Variants in PCDHGA3 observed in about 807,000 individuals in gnomAD.
The protein encoded by PCDHGA3 is protocadherin gamma subfamily A, 3.
A neutral mutation model predicts 58.5 loss-of-function variants in PCDHGA3; 40 were observed. The observed-to-expected ratio is 0.68, with a 90% CI of 0.53 to 0.89. The LOEUF (loss-of-function observed/expected upper bound fraction) is 0.89. Among genes scored for constraint, PCDHGA3 ranks in the 40% least tolerant of loss-of-function variants. The probability of loss-of-function intolerance (pLI) is 0.00; values close to 1 mark genes in which losing one functional copy is unlikely to be tolerated. For missense variants in PCDHGA3, 1,223 were observed against 1,195.9 expected, an observed-to-expected ratio of 1.02 and a Z score of -0.33; for synonymous variants, 530 against 525.7, an observed-to-expected ratio of 1.01 and a Z score of -0.11.
intron 1 of PCDHGA3, chr5:141,430,861 A>C: frequency 6.3e-7 from 1 of 1,592,834 alleles, no homozygotes; most frequent in Middle Eastern, 1.7e-4. Flanking sequence ...TACGCTATTC[A>C]GTTCCGGAAG....
intron 1 of PCDHGA3, chr5:141,351,286 G>A (rs975525933): frequency 6.2e-7 from 1 of 1,613,760 alleles, no homozygotes; most frequent in South Asian, 1.1e-5. Flanking sequence ...ATGCCCCAGA[G>A]GTGACATTCA....
At chr5:141,465,775 T>TA (rs2099108994) in intron 1 of PCDHGA3, among the ~76,000 whole-genome samples, 1 of 152,030 alleles carries the variant, frequency 6.6e-6, no homozygotes, top group African/African-American at 2.4e-5. Context: ...CATCTCTTGT[T>TA]ACAGTTTTTT....
intron 1 of PCDHGA3, chr5:141,427,734 C>A (rs2097062807): frequency 1.7e-6 from 2 of 1,207,418 alleles, no homozygotes; most frequent in Non-Finnish European, 2.4e-6. Flanking sequence ...GCTGAATGGC[C>A]AAGTCTCCTA....
chr5:141,434,092 A>C (rs1333686339), intron 1 of PCDHGA3, among the ~76,000 whole-genome samples: 1 of 152,172 alleles, frequency 6.6e-6, no homozygotes, highest in Non-Finnish European at 1.5e-5. Context: ...TTTGATGCTG[A>C]AATTGTCCCA....
At chr5:141,471,508 G>A (rs1262338812) in intron 1 of PCDHGA3, 3 of 152,216 alleles carry the variant, frequency 2.0e-5, no homozygotes, top group African/African-American at 7.2e-5. Context: ...AAGAGAGGGA[G>A]TAAAAATAAC....
At chr5:141,409,438 A>C (rs1459982502) in intron 1 of PCDHGA3, 1 of 1,613,866 alleles carries the variant, frequency 6.2e-7, no homozygotes, top group Non-Finnish European at 8.5e-7. Context: ...CCCTGGACCG[A>C]GAGCAGACAC....
intron 1 of PCDHGA3, chr5:141,412,074 A>G (rs751287485): frequency 2.0e-5 from 3 of 152,184 alleles, no homozygotes; most frequent in Non-Finnish European, 4.4e-5. Context: ...TGAGGGAACA[A>G]TTGCTACTGG....
At chr5:141,372,589 GCTTCA>G in intron 1 of PCDHGA3, 1 of 1,614,030 alleles carries the variant, frequency 6.2e-7, no homozygotes, top group Non-Finnish European at 8.5e-7. Context: ...CCTGGTGTCT[GCTTCA>G]AGACTGTACC....
chr5:141,349,519 G>A (rs1036044358), intron 1 of PCDHGA3, among the ~76,000 whole-genome samples: 37 of 152,042 alleles, frequency 2.4e-4, no homozygotes, highest in Non-Finnish European at 5.1e-4. Flanking sequence ...TACTTAACTG[G>A]AAAGATTATC....
intron 1 of PCDHGA3, chr5:141,370,240 G>A: frequency 1.6e-6 from 1 of 624,266 alleles, no homozygotes; most frequent in Non-Finnish European, 2.6e-6. Flanking sequence ...CGGAAGAAAA[G>A]TGCACTCTCT....
chr5:141,375,160 T>G (rs373409677), intron 1 of PCDHGA3: 1 of 1,613,854 alleles, frequency 6.2e-7, no homozygotes, highest in African/African-American at 1.3e-5. Flanking sequence ...TTGCTGAAAG[T>G]GCACCTCCAG....
chr5:141,384,708 G>T (rs1222018997), intron 1 of PCDHGA3: 3 of 1,614,116 alleles, frequency 1.9e-6, no homozygotes, highest in Non-Finnish European at 2.5e-6. Context: ...AGAACGCCTG[G>T]CTGTCATACC....
intron 1 of PCDHGA3, chr5:141,376,323 G>C: frequency 2.5e-6 from 4 of 1,614,162 alleles, no homozygotes; most frequent in Non-Finnish European, 3.4e-6. Flanking sequence ...GAAGGGGTTC[G>C]GGCTTTCCTG....
chr5:141,496,234 T>C (rs2154591884), intron 2 of PCDHGA3, among the ~76,000 whole-genome samples: 1 of 152,232 alleles, frequency 6.6e-6, no homozygotes, highest in Middle Eastern at 3.4e-3. Context: ...AGGAACCCCC[T>C]GCGGGCTGAA....
intron 1 of PCDHGA3, chr5:141,423,979 G>A: frequency 9.0e-7 from 1 of 1,115,484 alleles, no homozygotes. Flanking sequence ...CAGTGTATGA[G>A]GCTCTCAATT....
Position 141,489,779 on chromosome 5 carries a change from T to C in PCDHGA3, c.2425-5028T>C, listed in dbSNP as rs1269302289. 1.9e-6 allele frequency: 3 copies of C among 1,614,168 alleles called. No homozygotes were observed. Among genetic ancestry groups the C allele is most frequent in the Non-Finnish European group, 2.5e-6 (3 of 1,179,996 alleles). On this transcript the variant is annotated intron_variant, in intron 1 of 3. Coordinates refer to ENST00000253812, the MANE Select transcript of PCDHGA3 (RefSeq NM_018916.4). The surrounding 1 kb of genome is among the most constrained non-coding windows in gnomAD (Gnocchi z 4.5). ...CTAAGCCCCAACAGCCACTTCTCTC[T>C]GAATGTGAAGACCCTAAAAGATGGG...
intron 2 of PCDHGA3, among the ~76,000 whole-genome samples, chr5:141,503,088 C>T (rs1003234288): frequency 4.0e-5 from 6 of 151,864 alleles, no homozygotes; most frequent in Admixed American, 1.3e-4. Context: ...CTCCTGACCT[C>T]GTGGTCTGCC....
intron 1 of PCDHGA3, chr5:141,384,536 T>A (rs751421323): frequency 2.5e-6 from 4 of 1,614,086 alleles, no homozygotes; most frequent in Admixed American, 1.7e-5. Flanking sequence ...AGCAGCAACA[T>A]GTCACTGAGC....
At chr5:141,404,333 C>G (rs181615917) in intron 1 of PCDHGA3, 10 of 1,613,736 alleles carry the variant, frequency 6.2e-6, no homozygotes, top group Non-Finnish European at 8.5e-6. Flanking sequence ...CTCAGTCTAC[C>G]TCCCGGAAAA....
Sources: allele counts gnomAD v4.1 joint callset (sites outside exome capture counted in the v4.1 genomes callset), GRCh38; gene constraint gnomAD v4.1.1; non-coding constraint Gnocchi (gnomAD v3.1); transcripts MANE v1.5; gene names NCBI Gene and HGNC (gene_info 2026-07-23, HGNC 2026-07-21).